Variants in PDS5B observed in about 807,000 individuals in gnomAD.
PDS5B encodes PDS5 cohesin associated factor B.
In PDS5B, 51 loss-of-function variants were observed where a neutral mutation model predicts 184.1. The observed-to-expected ratio is 0.28, with a 90% CI of 0.22 to 0.35. PDS5B has a LOEUF of 0.35. PDS5B is among the 10% of genes least tolerant of loss of function. PDS5B has a pLI of 1.00. For synonymous variants in PDS5B, 566 were observed against 569.2 expected (o/e 0.99, Z 0.08); for missense variants, 1,180 against 1,723.3 (o/e 0.68, Z 5.58).
intron 15 of PDS5B, 101 bp downstream of exon 15, chr13:32,697,003 AG>A: frequency 1.5e-6 from 1 of 667,546 alleles, no homozygotes; most frequent in South Asian, 1.9e-5. Flanking sequence ...ATGATAATAT[AG>A]GAATTTTAAA....
chr13:32,766,496 CTTA>C (rs950146893), intron 31 of PDS5B, among the ~76,000 whole-genome samples: 9 of 152,052 alleles, frequency 5.9e-5, no homozygotes, highest in African/African-American at 2.2e-4. Flanking sequence ...CTAGAAGAAT[CTTA>C]TTAATAAGCT....
chr13:32,687,698 AAAC>A (rs1354722047), intron 12 of PDS5B, among the ~76,000 whole-genome samples: 1 of 152,234 alleles, frequency 6.6e-6, no homozygotes, highest in Non-Finnish European at 1.5e-5. Context: ...TTTATATAAA[AAAC>A]ACATTATCTG....
chr13:32,678,204 A>G (rs1951124496), intron 9 of PDS5B, among the ~76,000 whole-genome samples: 1 of 152,220 alleles, frequency 6.6e-6, no homozygotes, highest in Non-Finnish European at 1.5e-5. Context: ...TTGGAGGGAA[A>G]ACAAAAGATT....
At chr13:32,595,860 C>G (rs2057857299) in intron 1 of PDS5B, among the ~76,000 whole-genome samples, 1 of 152,138 alleles carries the variant, frequency 6.6e-6, no homozygotes, top group South Asian at 2.1e-4. Context: ...AATTCCAGCA[C>G]TTTAGGAGGC....
At chr13:32,763,765 T>G (rs1380530284) in intron 30 of PDS5B, among the ~76,000 whole-genome samples, 1 of 152,002 alleles carries the variant, frequency 6.6e-6, no homozygotes, top group African/African-American at 2.4e-5. Context: ...ATAAGAAGAG[T>G]GTTCAAATAA....
chr13:32,774,910 A>C, intron 34 of PDS5B, 107 bp from the exon 35 acceptor site: 1 of 1,124,224 alleles, frequency 8.9e-7, no homozygotes. Flanking sequence ...AAGGAAAGCA[A>C]AGAAAATCAG....
At position 32,641,832 on chromosome 13, in the gene PDS5B, A is replaced by G. The variant is rs78591394; in HGVS notation, c.-19-6922A>G. Among the ~76,000 whole-genome samples the G allele has an allele frequency of 2.4e-4, 37 of 152,330 alleles. 1 individual carries two copies. In the East Asian group the frequency reaches 6.9e-3, roughly 29 times the overall value. On this transcript the variant is annotated intron_variant, in intron 1 of 34. Transcript: ENST00000315596. ...ACTTTTTTTCTAGAACTTTAGATGT[A>G]TAATCTACAGTTGCCTTCTAGAGCA...
chr13:32,618,132 C>T (rs1451526778), intron 1 of PDS5B, among the ~76,000 whole-genome samples: 1 of 152,148 alleles, frequency 6.6e-6, no homozygotes, highest in Non-Finnish European at 1.5e-5. Flanking sequence ...AAGGGAGGAG[C>T]CCTCGTGGCC....
At chr13:32,718,883 T>G (rs543835077) in intron 19 of PDS5B, among the ~76,000 whole-genome samples, 1 of 152,196 alleles carries the variant, frequency 6.6e-6, no homozygotes, top group East Asian at 1.9e-4. Flanking sequence ...GTAATAATGG[T>G]GGATGGGGGG....
intron 1 of PDS5B, among the ~76,000 whole-genome samples, chr13:32,646,835 T>C (rs1388907975): frequency 2.0e-5 from 3 of 152,164 alleles, no homozygotes; most frequent in Non-Finnish European, 4.4e-5. Flanking sequence ...TTTGCCCTTA[T>C]TTTACTCTGC....
At chr13:32,759,535 A>G (rs1954302750) in intron 28 of PDS5B, 93 bp from the exon 29 acceptor site, 8 of 541,288 alleles carry the variant, frequency 1.5e-5, no homozygotes, top group Non-Finnish European at 1.6e-5. Flanking sequence ...TTTAGTTTAA[A>G]TAAAAAAACT....
chr13:32,685,503 A>G (rs1361421703), intron 11 of PDS5B, among the ~76,000 whole-genome samples: 6 of 152,186 alleles, frequency 3.9e-5, no homozygotes, highest in Non-Finnish European at 8.8e-5. Flanking sequence ...ATAAAAATTG[A>G]GCACTGAAAA....
In PDS5B at chr13:32,770,260, C is replaced by T. The variant is rs375215091; in HGVS notation, c.3764C>T (p.Thr1255Met). 1.7e-5 allele frequency: 27 copies of T among 1,613,820 alleles called. No homozygotes were observed. Among genetic ancestry groups the T allele is most frequent in the African/African-American group, 9.3e-5 (7 of 74,936 alleles). ...GSQRSRKRGH[T>M]ASESDEQQWP... is the part of the protein sequence containing the mutation. ...CAGCGAAGTCGGAAAAGAGGCCATA[C>T]GGCTTCAGAATCTGATGAACAGCAG... Residue 1255 changes from threonine (T) to methionine (M), a missense_variant, in exon 32 of 35, where the codon ACG becomes ATG. Around this residue, in one of 11 missense-constraint regions of PDS5B, gnomAD observed 465 missense variants for 497.8 expected, o/e 0.93. Coordinates refer to ENST00000315596, the MANE Select transcript of PDS5B (RefSeq NM_015032.4).
At chr13:32,683,611 C>T (rs1480404601) in intron 10 of PDS5B, among the ~76,000 whole-genome samples, 1 of 152,168 alleles carries the variant, frequency 6.6e-6, no homozygotes, top group African/African-American at 2.4e-5. Flanking sequence ...TGAGCCACCA[C>T]ACCTGGCCAG....
Position 32,671,710 on chromosome 13 carries a change from A to T in PDS5B, c.706-1506A>T, listed in dbSNP as rs1171216889. On this transcript the variant is annotated intron_variant, in intron 7 of 34. Coordinates refer to ENST00000315596, the MANE Select transcript of PDS5B (RefSeq NM_015032.4). Reference sequence around the variant, plus strand: ...AAAGTCACATAAAAACAACCCAAGAAGTAAAAGTAAGCAGAAAAGACATAG... The same window carrying T: ...AAAGTCACATAAAAACAACCCAAGATGTAAAAGTAAGCAGAAAAGACATAG... Among the ~76,000 whole-genome samples the T allele has an allele frequency of 2.0e-5, 3 of 152,216 alleles. No individual in the cohort carries two copies. In the East Asian group the frequency reaches 5.8e-4, roughly 29 times the overall value.
chr13:32,648,905 A>T lies in PDS5B; in HGVS notation c.108+25A>T, dbSNP rs577300209. ...GGTGAGTAAAATTCTATTCTTTTTT[A>T]CATCTGTGTAGGGCAGAGGTCCCCT... On this transcript the variant is annotated intron_variant, in intron 2 of 34. Coordinates refer to ENST00000315596, the MANE Select transcript of PDS5B (RefSeq NM_015032.4). 5 of 1,017,222 alleles carry T rather than the reference A, an allele frequency of 4.9e-6. No homozygotes were observed. In the East Asian group the frequency reaches 1.2e-4, roughly 24 times the overall value. The allele number at this position is 1,017,222 out of a possible 1,614,324, so 63.0% of individuals were successfully genotyped here.
intron 3 of PDS5B, among the ~76,000 whole-genome samples, chr13:32,656,273 C>CTTTTTTT (rs71071057): frequency 0.019 from 1,867 of 96,030 alleles, 13 homozygotes; most frequent in Middle Eastern, 0.027. Context: ...TCTCCAGCTT[C>CTTTTTTT]TTTTTTTTTT....
chr13:32,641,789 A>C (rs75756301), intron 1 of PDS5B, among the ~76,000 whole-genome samples: 5,820 of 152,174 alleles, frequency 0.038, 348 homozygotes, highest in African/African-American at 0.13. Context: ...TTGTTCTAAA[A>C]ATATTTTCTC....
At chr13:32,706,361 GA>G (rs1447997251) in intron 17 of PDS5B, among the ~76,000 whole-genome samples, 1 of 151,840 alleles carries the variant, frequency 6.6e-6, no homozygotes, top group Admixed American at 6.6e-5. Flanking sequence ...AAGAAAGCTT[GA>G]AAACATCATG....
Sources: allele counts gnomAD v4.1 joint callset (sites outside exome capture counted in the v4.1 genomes callset), GRCh38; gene constraint gnomAD v4.1.1; regional missense constraint gnomAD v4.1.1; transcripts MANE v1.5; gene names NCBI Gene and HGNC (gene_info 2026-07-23, HGNC 2026-07-21).